Variants in CPQ observed in about 807,000 individuals in gnomAD.
The protein encoded by CPQ is carboxypeptidase Q.
Under a neutral mutation model 45.7 loss-of-function variants are expected in CPQ, and 37 were observed. That is an observed-to-expected ratio of 0.81 (90% CI 0.62 to 1.07). The LOEUF (loss-of-function observed/expected upper bound fraction) is 1.07. CPQ is among the 50% of genes least tolerant of loss of function. CPQ has a pLI of 0.00. For missense variants in CPQ, 537 were observed against 572.9 expected (o/e 0.94, Z 0.64); for synonymous variants, 186 against 205.8 (o/e 0.90, Z 0.82).
At chr8:96,715,530 G>A (rs1246591042) in intron 1 of CPQ, among the ~76,000 whole-genome samples, 1 of 152,184 alleles carries the variant, frequency 6.6e-6, no homozygotes, top group African/African-American at 2.4e-5. Flanking sequence ...CCCACACGAA[G>A]CTCCCATGAA....
chr8:96,703,388 G>A (rs113520657), intron 1 of CPQ, among the ~76,000 whole-genome samples: 3,631 of 152,168 alleles, frequency 0.024, 149 homozygotes, highest in African/African-American at 0.083. Flanking sequence ...CTTATGTGGT[G>A]CCTGAGAAAT....
chr8:96,838,912 C>A (rs1393732217), intron 3 of CPQ, among the ~76,000 whole-genome samples: 1 of 151,960 alleles, frequency 6.6e-6, no homozygotes, highest in Non-Finnish European at 1.5e-5. Context: ...TATTCAGATG[C>A]CCAATATGCC....
At position 96,808,822 on chromosome 8, in the gene CPQ, C is replaced by T. The variant is rs555588057; in HGVS notation, c.433+23492C>T. ...AAATGAGGTCAATAGTATCTACTTTCAGAAGTGATATTCAAAATATCTGAT... is the reference window on the plus strand; with the variant it reads ...AAATGAGGTCAATAGTATCTACTTTTAGAAGTGATATTCAAAATATCTGAT... On this transcript the variant is annotated intron_variant, in intron 2 of 7. Transcript: ENST00000220763. Among the ~76,000 whole-genome samples the T allele has an allele frequency of 4.1e-4, 63 of 152,238 alleles. No individual in the cohort carries two copies. In the South Asian group the frequency reaches 8.9e-3, roughly 22 times the overall value.
chr8:97,002,555 C>CA (rs1478067597), intron 5 of CPQ, among the ~76,000 whole-genome samples: 17 of 152,110 alleles, frequency 1.1e-4, no homozygotes, highest in African/African-American at 4.1e-4. Context: ...ATTCAATTTC[C>CA]ATGTAATTGT....
chr8:96,997,705 T>C (rs571796880), intron 5 of CPQ, among the ~76,000 whole-genome samples: 2 of 152,110 alleles, frequency 1.3e-5, no homozygotes, highest in East Asian at 1.9e-4. Flanking sequence ...TGAAAAGATA[T>C]GGCATTAATG....
intron 2 of CPQ, among the ~76,000 whole-genome samples, chr8:96,818,098 G>A (rs537398296): frequency 2.9e-4 from 44 of 151,920 alleles, no homozygotes; most frequent in Non-Finnish European, 5.9e-4. Flanking sequence ...AACACTAAGA[G>A]GCCATCGTAG....
At chr8:96,881,389 A>G (rs13280839) in intron 4 of CPQ, among the ~76,000 whole-genome samples, 1 of 152,080 alleles carries the variant, frequency 6.6e-6, no homozygotes, top group Non-Finnish European at 1.5e-5. Flanking sequence ...ACACACTTTT[A>G]AACAACCAGA....
intron 1 of CPQ, among the ~76,000 whole-genome samples, chr8:96,712,951 C>A (rs1809632619): frequency 2.0e-5 from 3 of 152,190 alleles, no homozygotes; most frequent in Middle Eastern, 3.4e-3. Flanking sequence ...GATCGCTTTG[C>A]CCCTTAGGAG....
chr8:96,774,047 G>T (rs763121454), intron 1 of CPQ, among the ~76,000 whole-genome samples: 2 of 152,128 alleles, frequency 1.3e-5, no homozygotes, highest in Non-Finnish European at 2.9e-5. Flanking sequence ...GAGGTGGGCA[G>T]ATCACCTGAG....
intron 1 of CPQ, among the ~76,000 whole-genome samples, chr8:96,718,467 CA>C (rs1289619148): frequency 6.6e-6 from 1 of 152,110 alleles, no homozygotes; most frequent in East Asian, 1.9e-4. Context: ...TCGTTCCCCC[CA>C]GTGGGCTTGT....
At chr8:96,951,520 C>T (rs1247258891) in intron 4 of CPQ, among the ~76,000 whole-genome samples, 2 of 152,110 alleles carry the variant, frequency 1.3e-5, no homozygotes, top group African/African-American at 2.4e-5. Flanking sequence ...TACCTTGTAA[C>T]TCCAGAGTTT....
At chr8:96,787,224 A>G (rs550579074) in intron 2 of CPQ, among the ~76,000 whole-genome samples, 2 of 152,080 alleles carry the variant, frequency 1.3e-5, no homozygotes, top group East Asian at 1.9e-4. Context: ...CTGTGAATTA[A>G]TTGTGTTAAT....
intron 1 of CPQ, among the ~76,000 whole-genome samples, chr8:96,712,587 C>T (rs910055014): frequency 1.3e-5 from 2 of 152,234 alleles, no homozygotes; most frequent in African/African-American, 4.8e-5. Context: ...TGTGCTTGCA[C>T]TCTCTGAAGC....
intron 1 of CPQ, among the ~76,000 whole-genome samples, chr8:96,657,224 A>G (rs990145272): frequency 9.2e-5 from 14 of 152,076 alleles, no homozygotes; most frequent in Non-Finnish European, 1.6e-4. Flanking sequence ...GTGCGTCTGT[A>G]ATCCCAGCTA....
At chr8:96,810,208 G>A (rs888138290) in intron 2 of CPQ, among the ~76,000 whole-genome samples, 9 of 152,126 alleles carry the variant, frequency 5.9e-5, no homozygotes, top group African/African-American at 1.4e-4. Context: ...AGCTTTGTCA[G>A]TATACTCACC....
At chr8:96,684,706 T>A (rs1354866947) in intron 1 of CPQ, among the ~76,000 whole-genome samples, 1 of 152,094 alleles carries the variant, frequency 6.6e-6, no homozygotes, top group Non-Finnish European at 1.5e-5. Flanking sequence ...TTGGATTATG[T>A]GCACAGATAC....
intron 5 of CPQ, among the ~76,000 whole-genome samples, chr8:96,997,381 G>A (rs1184863325): frequency 6.6e-6 from 1 of 151,848 alleles, no homozygotes; most frequent in African/African-American, 2.4e-5. Context: ...TCAGATTTTT[G>A]CTGACTGTGT....
intron 6 of CPQ, among the ~76,000 whole-genome samples, chr8:97,031,465 T>C (rs576261845): frequency 1.1e-4 from 17 of 152,136 alleles, no homozygotes; most frequent in Non-Finnish European, 2.1e-4. Flanking sequence ...GGATTACAGG[T>C]GTGAGCCACC....
chr8:97,014,737 T>C (rs1474571697), intron 5 of CPQ, among the ~76,000 whole-genome samples: 2 of 151,946 alleles, frequency 1.3e-5, no homozygotes, highest in Non-Finnish European at 2.9e-5. Flanking sequence ...ATTACATTAA[T>C]TACTGGTCAA....
Sources: allele counts gnomAD v4.1 joint callset (sites outside exome capture counted in the v4.1 genomes callset), GRCh38; gene constraint gnomAD v4.1.1; transcripts MANE v1.5; gene names NCBI Gene and HGNC (gene_info 2026-07-23, HGNC 2026-07-21).